Variants in VPS13A observed in about 807,000 individuals in gnomAD.
The protein encoded by VPS13A is vacuolar protein sorting 13 homolog A.
A neutral mutation model predicts 390.9 loss-of-function variants in VPS13A; 264 were observed. That is an observed-to-expected ratio of 0.68 (90% CI 0.61 to 0.75). The LOEUF (loss-of-function observed/expected upper bound fraction) is 0.75. VPS13A is among the 30% of genes least tolerant of loss of function. VPS13A has a pLI of 0.00. For synonymous variants in VPS13A, 1,231 were observed against 1,227.1 expected (o/e 1.00, Z -0.07); for missense variants, 3,409 against 3,733.9 (o/e 0.91, Z 2.27).
chr9:77,189,503 G>A (rs1824548159), intron 1 of VPS13A, among the ~76,000 whole-genome samples: 2 of 152,078 alleles, frequency 1.3e-5, no homozygotes, highest in African/African-American at 4.8e-5. Flanking sequence ...GGTTATTGTA[G>A]CCTTTTAGTA....
At chr9:77,344,516 G>T (rs1191950360) in intron 51 of VPS13A, among the ~76,000 whole-genome samples, 1 of 152,136 alleles carries the variant, frequency 6.6e-6, no homozygotes, top group Non-Finnish European at 1.5e-5. Context: ...CCAGCACTTT[G>T]GGAGGCCGAG....
At chr9:77,389,276 A>T (rs1400799838) in intron 68 of VPS13A, among the ~76,000 whole-genome samples, 7 of 150,682 alleles carry the variant, frequency 4.6e-5, no homozygotes, top group African/African-American at 1.7e-4. Context: ...CCTAGTCTTT[A>T]TTTATGGAGC....
chr9:77,415,831 G>T (rs571472996), intron 71 of VPS13A, 125 bp from the exon 72 acceptor site: 18 of 1,051,006 alleles, frequency 1.7e-5, no homozygotes, highest in Admixed American at 2.0e-5. Flanking sequence ...TGAATTTTAT[G>T]TATTGGCTGT....
chr9:77,405,068 GAAGA>G (rs1157482825), intron 69 of VPS13A, among the ~76,000 whole-genome samples: 2 of 151,802 alleles, frequency 1.3e-5, no homozygotes, highest in African/African-American at 2.4e-5. Flanking sequence ...GAAAAATTAA[GAAGA>G]AAGACATTTG....
Position 77,316,191 on chromosome 9 carries a change from G to T in VPS13A, c.4648G>T (p.Val1550Leu). 1 of 1,610,966 alleles carries T rather than the reference G, an allele frequency of 6.2e-7. No homozygotes were observed. Among genetic ancestry groups the T allele is most frequent in the Admixed American group, 1.7e-5 (1 of 59,910 alleles). ...AKEEVPTQESVKWEINVIIKN... is the reference protein window; with the variant it reads ...AKEEVPTQESLKWEINVIIKN... ...TGTTTTAGTACCTACACAGGAATCA[G>T]TGAAGTGGGAAATTAATGTTATTAT... is the stretch of plus-strand genomic sequence containing the variant. Residue 1550 changes from valine to leucine, a missense_variant, in exon 39 of 72, where the codon GTG (valine) becomes TTG (leucine). Physicochemically the swap from Val to Leu is conservative, Grantham distance 32 (BLOSUM62 1). This residue lies in a region of VPS13A where 2,717 missense variants were observed against 2,917.4 expected (regional missense o/e 0.93). Transcript: ENST00000360280.
intron 35 of VPS13A, among the ~76,000 whole-genome samples, chr9:77,312,650 C>G (rs1003941278): frequency 1.3e-5 from 2 of 152,038 alleles, no homozygotes; most frequent in African/African-American, 4.8e-5. Context: ...CGCCTGACCT[C>G]GTGATCCGCC....
chr9:77,360,725 T>C (rs1012340620), intron 59 of VPS13A, 84 bp downstream of exon 59: 2 of 1,038,446 alleles, frequency 1.9e-6, no homozygotes, highest in African/African-American at 1.6e-5. Context: ...AAAATGACTT[T>C]GTTGCATTTT....
chr9:77,293,398 G>T lies in VPS13A; in HGVS notation c.3397G>T (p.Ala1133Ser), dbSNP rs1440591881. ...FSFKMVSYMDATAGSAYTDMN... is the reference protein window; with the variant it reads ...FSFKMVSYMDSTAGSAYTDMN... ...CTTCAAAATGGTTTCTTACATGGAT[G>T]CAACTGCTGGTTCTGCATACACAGA... is the stretch of plus-strand genomic sequence containing the variant. Residue 1133 changes from alanine to serine, a missense_variant, in exon 32 of 72, where the codon GCA becomes TCA. Physicochemically the swap from Ala to Ser is moderately conservative, Grantham distance 99. Coordinates refer to ENST00000360280, the MANE Select transcript of VPS13A (RefSeq NM_033305.3). The T allele has an allele frequency of 6.2e-7, 1 of 1,613,314 alleles. No individual in the cohort carries two copies. The highest frequency in any genetic ancestry group is 1.1e-5 in the South Asian group (1 of 91,000).
intron 3 of VPS13A, among the ~76,000 whole-genome samples, chr9:77,202,416 T>G (rs530800767): frequency 6.6e-6 from 1 of 152,268 alleles, no homozygotes; most frequent in Non-Finnish European, 1.5e-5. Flanking sequence ...ATTATGCTAT[T>G]TTTACAGTTT....
At chr9:77,297,424 G>A (rs1385404876) in intron 33 of VPS13A, among the ~76,000 whole-genome samples, 4 of 151,850 alleles carry the variant, frequency 2.6e-5, no homozygotes, top group Non-Finnish European at 5.9e-5. Context: ...CCCCCTCCCT[G>A]TACCATGGCC....
intron 52 of VPS13A, chr9:77,351,046 A>C: frequency 2.8e-6 from 1 of 353,308 alleles, no homozygotes; most frequent in Non-Finnish European, 5.4e-6. Context: ...TCCATAATTA[A>C]TTTGTATTAA....
intron 4 of VPS13A, 31 bp downstream of exon 4, chr9:77,205,439 A>T (rs924687850): frequency 1.8e-6 from 2 of 1,112,438 alleles, no homozygotes; most frequent in African/African-American, 3.3e-5. Context: ...TTATAATTTA[A>T]GTTATTCTTT....
intron 50 of VPS13A, among the ~76,000 whole-genome samples, chr9:77,342,148 TGAG>T (rs1020841825): frequency 1.3e-5 from 2 of 152,076 alleles, no homozygotes; most frequent in Non-Finnish European, 1.5e-5. Context: ...AGAGCTCAGC[TGAG>T]GAGGAGAGAG....
At position 77,400,358 on chromosome 9, in the gene VPS13A, C is replaced by T. The variant is rs944661858; in HGVS notation, c.9190-2878C>T. Among the ~76,000 whole-genome samples, 6 of 150,274 alleles carry T rather than the reference C, an allele frequency of 4.0e-5. No homozygotes were observed. In the Admixed American group the frequency reaches 4.0e-4, roughly 10 times the overall value. On this transcript the variant is annotated intron_variant, in intron 68 of 71. Transcript: ENST00000360280. Reference sequence around the variant, plus strand: ...CTATATTTTGAAAATGACTCTATATCTCTGTATTGACAAATATTTTCCCAA... The same window carrying T: ...CTATATTTTGAAAATGACTCTATATTTCTGTATTGACAAATATTTTCCCAA...
intron 33 of VPS13A, among the ~76,000 whole-genome samples, chr9:77,302,368 CTTTTTTTTTT>C (rs58598132): frequency 1.7e-5 from 2 of 117,816 alleles, no homozygotes; most frequent in South Asian, 5.3e-4. Flanking sequence ...TATTTTTCCC[CTTTTTTTTTT>C]TTTTTTTTTT....
intron 31 of VPS13A, among the ~76,000 whole-genome samples, chr9:77,288,193 G>A (rs1019532159): frequency 1.3e-5 from 2 of 151,644 alleles, no homozygotes; most frequent in Non-Finnish European, 2.9e-5. Context: ...GTCTTTTTAT[G>A]TCTTGATCAG....
At chr9:77,267,172 G>A (rs981803404) in intron 23 of VPS13A, among the ~76,000 whole-genome samples, 1 of 151,988 alleles carries the variant, frequency 6.6e-6, no homozygotes, top group African/African-American at 2.4e-5. Context: ...TGTCAATTCT[G>A]CAAACTCATT....
At chr9:77,216,895 T>C (rs1415057604) in intron 10 of VPS13A, among the ~76,000 whole-genome samples, 1 of 152,174 alleles carries the variant, frequency 6.6e-6, no homozygotes, top group Non-Finnish European at 1.5e-5. Context: ...GCTCAGAGGC[T>C]AAGCCACTCT....
Position 77,323,152 on chromosome 9 carries a change from C to T in VPS13A, c.5916C>T (p.Gly1972=), listed in dbSNP as rs777794107. Residue 1972 remains glycine, a synonymous_variant, in exon 45 of 72, where the codon GGC becomes GGT. Coordinates refer to ENST00000360280, the MANE Select transcript of VPS13A (RefSeq NM_033305.3). ...RLYTVRHRES[G]VERSIVCQID... ...ACACTGTAAGACACAGAGAGTCTGGCGTTGAAAGATCTATTGTTTGTCAAA... is the reference window on the plus strand; with the variant it reads ...ACACTGTAAGACACAGAGAGTCTGGTGTTGAAAGATCTATTGTTTGTCAAA... 14 of 1,613,324 alleles carry T rather than the reference C, an allele frequency of 8.7e-6. No homozygotes were observed. The highest frequency in any genetic ancestry group is 2.2e-5 in the East Asian group (1 of 44,844).
Sources: allele counts gnomAD v4.1 joint callset (sites outside exome capture counted in the v4.1 genomes callset), GRCh38; gene constraint gnomAD v4.1.1; regional missense constraint gnomAD v4.1.1; transcripts MANE v1.5; gene names NCBI Gene and HGNC (gene_info 2026-07-23, HGNC 2026-07-21).